The following CERKL variants were observed in gnomAD, a reference collection of about 807,000 sequenced individuals.
The protein encoded by CERKL is ceramide kinase-like protein.
CERKL carries 61 observed loss-of-function variants against 63.4 expected under a neutral mutation model. That is an observed-to-expected ratio of 0.96 (90% confidence interval 0.78 to 1.19). The LOEUF is 1.19. CERKL is among the 50% of genes most tolerant of loss of function. CERKL has a pLI of 0.00. For synonymous variants in CERKL, 250 were observed against 230.5 expected (o/e 1.08, Z -0.77); for missense variants, 675 against 655.5 (o/e 1.03, Z -0.33).
intron 1 of CERKL, chr2:181,650,111 G>GGAAGAA (rs1249848828): frequency 2.7e-5 from 1 of 37,450 alleles, no homozygotes; most frequent in East Asian, 9.5e-4. Flanking sequence ...GGGAGGGAGG[G>GGAAGAA]AGGAAGGAAG....
At chr2:181,582,562 C>T (rs1369189202) in intron 2 of CERKL, among the ~76,000 whole-genome samples, 1 of 147,768 alleles carries the variant, frequency 6.8e-6, no homozygotes, top group Non-Finnish European at 1.5e-5. Flanking sequence ...GATGGAGTCT[C>T]GCTCTGTCAC....
intron 1 of CERKL, among the ~76,000 whole-genome samples, chr2:181,609,049 T>G (rs556433848): frequency 1.3e-5 from 2 of 152,294 alleles, no homozygotes; most frequent in African/African-American, 4.8e-5. Flanking sequence ...AAGGATTGAA[T>G]AAGTGGAGAT....
At chr2:181,612,966 AAG>A (rs969073007) in intron 1 of CERKL, among the ~76,000 whole-genome samples, 5 of 152,206 alleles carry the variant, frequency 3.3e-5, no homozygotes, top group Non-Finnish European at 7.4e-5. Context: ...AAATCAAGCT[AAG>A]TAACATATTC....
intron 1 of CERKL, chr2:181,650,124 A>C: frequency 7.7e-6 from 1 of 129,388 alleles, no homozygotes; most frequent in Non-Finnish European, 1.6e-5. Flanking sequence ...GAAGGAAGGA[A>C]GGAAGGAAGG....
At chr2:181,629,784 AT>A (rs1244382553) in intron 1 of CERKL, among the ~76,000 whole-genome samples, 1 of 152,230 alleles carries the variant, frequency 6.6e-6, no homozygotes, top group African/African-American at 2.4e-5. Flanking sequence ...TTTGTGCTAT[AT>A]TTAGACTGAT....
chr2:181,544,913 A>C, intron 10 of CERKL, 117 bp from the exon 11 acceptor site: 1 of 588,290 alleles, frequency 1.7e-6, no homozygotes, highest in South Asian at 2.4e-5. Context: ...TGGACAAGAT[A>C]GATAAATCAC....
intron 2 of CERKL, among the ~76,000 whole-genome samples, chr2:181,577,490 T>C (rs1684302626): frequency 6.6e-6 from 1 of 152,218 alleles, no homozygotes; most frequent in Non-Finnish European, 1.5e-5. Flanking sequence ...GTTACCACTT[T>C]AGAGGACTGC....
chr2:181,607,450 G>GT (rs1685767305), intron 1 of CERKL, among the ~76,000 whole-genome samples: 2 of 152,182 alleles, frequency 1.3e-5, no homozygotes, highest in Admixed American at 1.3e-4. Flanking sequence ...AACTATAGAT[G>GT]TTTTTGAAAA....
intron 2 of CERKL, among the ~76,000 whole-genome samples, chr2:181,578,686 G>A (rs1483630669): frequency 2.0e-5 from 3 of 151,910 alleles, no homozygotes; most frequent in African/African-American, 7.3e-5. Context: ...ATGCTATTCT[G>A]TATCTTGCTT....
chr2:181,655,018 T>C (rs1233762381), intron 1 of CERKL, among the ~76,000 whole-genome samples: 3 of 152,212 alleles, frequency 2.0e-5, no homozygotes, highest in Non-Finnish European at 4.4e-5. Context: ...TCTAGGCTTC[T>C]GTGCCCCCAA....
intron 2 of CERKL, among the ~76,000 whole-genome samples, chr2:181,579,489 C>T (rs987975599): frequency 6.6e-6 from 1 of 151,808 alleles, no homozygotes; most frequent in Non-Finnish European, 1.5e-5. Flanking sequence ...TCAATTATGG[C>T]AGTACTTTAC....
chr2:181,607,405 AG>A (rs1304010029), intron 1 of CERKL, among the ~76,000 whole-genome samples: 1 of 152,228 alleles, frequency 6.6e-6, no homozygotes, highest in African/African-American at 2.4e-5. Context: ...CAGACTGAAC[AG>A]TGAGAGTCCC....
chr2:181,641,352 T>TATGC (rs1687432374), intron 1 of CERKL, among the ~76,000 whole-genome samples: 1 of 17,440 alleles, frequency 5.7e-5, no homozygotes, highest in African/African-American at 3.6e-4. Context: ...TATACATATA[T>TATGC]ATACACATAT....
intron 5 of CERKL, among the ~76,000 whole-genome samples, chr2:181,557,016 G>C (rs1387447659): frequency 1.3e-5 from 2 of 152,124 alleles, no homozygotes; most frequent in Non-Finnish European, 2.9e-5. Flanking sequence ...ATTTTTTCAT[G>C]TGTCTTTTGG....
intron 1 of CERKL, among the ~76,000 whole-genome samples, chr2:181,610,603 G>A (rs1685924563): frequency 2.0e-5 from 3 of 152,158 alleles, no homozygotes; most frequent in Admixed American, 2.0e-4. Context: ...TTCATGCTAA[G>A]AGGTATGAAA....
intron 4 of CERKL, among the ~76,000 whole-genome samples, chr2:181,559,290 A>G (rs1325354134): frequency 6.6e-6 from 1 of 152,188 alleles, no homozygotes; most frequent in East Asian, 1.9e-4. Flanking sequence ...TTGATCCTAG[A>G]TAGTACTACT....
intron 4 of CERKL, among the ~76,000 whole-genome samples, chr2:181,560,580 G>A (rs1031254293): frequency 1.3e-4 from 20 of 152,064 alleles, no homozygotes; most frequent in African/African-American, 4.6e-4. Context: ...TCATTTAAGT[G>A]GAGAAATAAC....
At chr2:181,652,250 T>C (rs1687974225) in intron 1 of CERKL, among the ~76,000 whole-genome samples, 1 of 152,092 alleles carries the variant, frequency 6.6e-6, no homozygotes, top group South Asian at 2.1e-4. Flanking sequence ...GACTTCGAAA[T>C]ATACGATAAA....
At position 181,599,267 on chromosome 2, in the gene CERKL, G is replaced by A. The variant is rs566516204; in HGVS notation, c.481+4570C>T. On this transcript the variant is annotated intron_variant, in intron 2 of 12. Coordinates refer to ENST00000410087, the MANE Select transcript of CERKL (RefSeq NM_201548.5). ...CACTTGGAAGCAGGCCAGGCATGGT[G>A]GCTCACACCTGTAATCACAGCACTT... 2.0e-5 allele frequency among the ~76,000 whole-genome samples: 3 copies of A among 152,260 alleles called. No individual in the cohort carries two copies. In the East Asian group the frequency reaches 5.8e-4, roughly 29 times the overall value.
Sources: gnomAD v4.1 joint callset for allele counts (sites outside exome capture counted in the v4.1 genomes callset) on GRCh38, gnomAD v4.1.1 for gene constraint, MANE v1.5 for transcripts, NCBI Gene and HGNC (gene_info 2026-07-23, HGNC 2026-07-21) for gene names.